Variants in PPARGC1A observed in about 807,000 individuals in gnomAD.
PPARGC1A encodes peroxisome proliferator-activated receptor gamma coactivator 1-alpha.
PPARGC1A carries 25 observed loss-of-function variants against 88.7 expected under a neutral mutation model. That is an observed-to-expected ratio of 0.28 (90% CI 0.21 to 0.39). The LOEUF is 0.39. Among genes scored for constraint, PPARGC1A ranks in the 10% least tolerant of loss-of-function variants. PPARGC1A has a pLI of 1.00. For missense variants in PPARGC1A, 880 were observed against 968.7 expected (o/e 0.91, Z 1.22); for synonymous variants, 363 against 355.6 (o/e 1.02, Z -0.24).
chr4:24,350,431 A>C, the PPARGC1A span, among the ~76,000 whole-genome samples: 4 of 152,326 alleles, frequency 2.6e-5, no homozygotes, highest in African/African-American at 9.6e-5. Context: ...TTCAGGTTAA[A>C]CCTAGTACAA....
chr4:23,942,119 T>C, the PPARGC1A span, among the ~76,000 whole-genome samples: 3 of 152,152 alleles, frequency 2.0e-5, no homozygotes, highest in East Asian at 5.8e-4. Flanking sequence ...TCATGGATTT[T>C]TGTATTTTTA....
chr4:24,470,608 C>T, the PPARGC1A span, among the ~76,000 whole-genome samples: 2 of 151,900 alleles, frequency 1.3e-5, no homozygotes, highest in Non-Finnish European at 2.9e-5. This position sits in a 1 kb window ranked among gnomAD's most constrained non-coding sequence, Gnocchi z 5.8. Flanking sequence ...AGCGAGGCCT[C>T]GTGTCTCCCG....
intron 1 of PPARGC1A, among the ~76,000 whole-genome samples, chr4:23,897,537 T>C (rs1042641780): frequency 2.0e-5 from 3 of 152,178 alleles, no homozygotes; most frequent in African/African-American, 7.2e-5. Flanking sequence ...TGTGCCTGTC[T>C]TGACAGAGAC....
At chr4:24,155,389 G>A in the PPARGC1A span, among the ~76,000 whole-genome samples, 3 of 151,718 alleles carry the variant, frequency 2.0e-5, no homozygotes, top group Admixed American at 2.0e-4. Flanking sequence ...TTGGGAGGCC[G>A]AGGTGGGTGA....
the PPARGC1A span, among the ~76,000 whole-genome samples, chr4:24,426,776 C>T: frequency 6.6e-6 from 1 of 152,064 alleles, no homozygotes; most frequent in East Asian, 1.9e-4. Flanking sequence ...GTTATCACAC[C>T]AGGAATCTTA....
At chr4:23,865,952 T>TAC (rs140873233) in intron 2 of PPARGC1A, among the ~76,000 whole-genome samples, 16,816 of 149,274 alleles carry the variant, frequency 0.11, 1,092 homozygotes, top group East Asian at 0.14. Context: ...CATTTATTCC[T>TAC]ACACACACAC....
the PPARGC1A span, among the ~76,000 whole-genome samples, chr4:24,450,588 T>TA: frequency 2.0e-4 from 31 of 151,968 alleles, 1 homozygote; most frequent in East Asian, 2.1e-3. Context: ...TCTTCCCAGT[T>TA]AAAAAAAAGG....
At chr4:24,327,056 G>A in the PPARGC1A span, among the ~76,000 whole-genome samples, 1 of 152,026 alleles carries the variant, frequency 6.6e-6, no homozygotes. Context: ...ACAGACTAAT[G>A]GTCTATTAAA....
the PPARGC1A span, among the ~76,000 whole-genome samples, chr4:24,391,046 C>A: frequency 6.6e-6 from 1 of 151,822 alleles, no homozygotes; most frequent in Admixed American, 6.6e-5. Flanking sequence ...GGTTTCCCTG[C>A]CTAAAAAGTA....
At chr4:23,884,561 T>A (rs1716538321) in intron 2 of PPARGC1A, 191 bp downstream of exon 2, 1 of 496,814 alleles carries the variant, frequency 2.0e-6, no homozygotes, top group Non-Finnish European at 3.3e-6. Context: ...TTTAAATCTT[T>A]AAAAAAATAA....
At chr4:24,011,757 T>C in the PPARGC1A span, among the ~76,000 whole-genome samples, 1 of 152,212 alleles carries the variant, frequency 6.6e-6, no homozygotes, top group Non-Finnish European at 1.5e-5. Flanking sequence ...CAGCTTCACA[T>C]GAAATCTGTG....
At chr4:24,123,827 T>C in the PPARGC1A span, among the ~76,000 whole-genome samples, 4 of 151,080 alleles carry the variant, frequency 2.6e-5, no homozygotes, top group East Asian at 1.9e-4. Flanking sequence ...TGTGCTCTCC[T>C]AGTCTCTATA....
At chr4:24,032,812 T>C in the PPARGC1A span, among the ~76,000 whole-genome samples, 1 of 152,200 alleles carries the variant, frequency 6.6e-6, no homozygotes, top group Non-Finnish European at 1.5e-5. Flanking sequence ...ACCATTCTTG[T>C]ATCCTCTGAG....
upstream of PPARGC1A, among the ~76,000 whole-genome samples, chr4:23,894,207 G>A (rs1158177686): frequency 6.6e-6 from 1 of 151,946 alleles, no homozygotes; most frequent in Non-Finnish European, 1.5e-5. Context: ...TAGAGCATTC[G>A]TCCAGAAAGC....
the PPARGC1A span, among the ~76,000 whole-genome samples, chr4:24,180,409 A>G: frequency 6.6e-6 from 1 of 152,212 alleles, no homozygotes; most frequent in Non-Finnish European, 1.5e-5. Flanking sequence ...TAAAATGTAT[A>G]TATTCATCTG....
the PPARGC1A span, among the ~76,000 whole-genome samples, chr4:24,402,117 G>C: frequency 6.6e-6 from 1 of 152,206 alleles, no homozygotes; most frequent in Non-Finnish European, 1.5e-5. Flanking sequence ...GGTTGAGGTG[G>C]CAGCAGAATA....
intron 2 of PPARGC1A, among the ~76,000 whole-genome samples, chr4:23,837,258 T>C (rs1340604419): frequency 1.3e-5 from 2 of 152,126 alleles, no homozygotes; most frequent in Non-Finnish European, 2.9e-5. Flanking sequence ...TTAGGTACTG[T>C]GTACTTAGAG....
At chr4:24,400,851 G>T in the PPARGC1A span, among the ~76,000 whole-genome samples, 1 of 152,100 alleles carries the variant, frequency 6.6e-6, no homozygotes, top group Admixed American at 6.6e-5. Context: ...ATGTGAGGCA[G>T]ATATGCCAAG....
At chr4:24,242,765 G>A in the PPARGC1A span, among the ~76,000 whole-genome samples, 1 of 152,082 alleles carries the variant, frequency 6.6e-6, no homozygotes, top group Non-Finnish European at 1.5e-5. Context: ...CTCCAGTCCT[G>A]CTGGCTCCCA....
Sources: allele counts gnomAD v4.1 joint callset (sites outside exome capture counted in the v4.1 genomes callset), GRCh38; gene constraint gnomAD v4.1.1; non-coding constraint Gnocchi (gnomAD v3.1); transcripts MANE v1.5; gene names NCBI Gene and HGNC (gene_info 2026-07-23, HGNC 2026-07-21).